The following GRIA4 variants were observed in gnomAD, a reference collection of about 807,000 sequenced individuals.
The protein encoded by GRIA4 is glutamate receptor 4.
In GRIA4, 34 loss-of-function variants were observed where a neutral mutation model predicts 104.0. The ratio of observed to expected loss-of-function variants is 0.33; its 90% confidence interval spans 0.25 to 0.44. The LOEUF (loss-of-function observed/expected upper bound fraction) is 0.44. Among genes scored for constraint, GRIA4 ranks in the 20% least tolerant of loss-of-function variants. GRIA4 has a pLI of 1.00. For synonymous variants in GRIA4, 386 were observed against 381.9 expected (o/e 1.01, Z -0.13); for missense variants, 750 against 1,096.5 (o/e 0.68, Z 4.46).
At chr11:105,739,356 A>G (rs992042221) in intron 3 of GRIA4, among the ~76,000 whole-genome samples, 3 of 152,204 alleles carry the variant, frequency 2.0e-5, no homozygotes, top group African/African-American at 4.8e-5. Context: ...TCATAAAACT[A>G]AAGAGAAGCA....
At chr11:105,805,775 C>T (rs1482568322) in intron 4 of GRIA4, among the ~76,000 whole-genome samples, 1 of 151,846 alleles carries the variant, frequency 6.6e-6, no homozygotes, top group African/African-American at 2.4e-5. Context: ...TTTTAAAAGC[C>T]TTCTCGACAC....
intron 4 of GRIA4, among the ~76,000 whole-genome samples, chr11:105,767,564 C>T (rs1941007038): frequency 6.6e-6 from 1 of 151,874 alleles, no homozygotes; most frequent in Non-Finnish European, 1.5e-5. Context: ...AAACTATGAG[C>T]AGGGAAAAGG....
At chr11:105,647,491 A>ATC (rs1951561786) in intron 3 of GRIA4, among the ~76,000 whole-genome samples, 2 of 152,162 alleles carry the variant, frequency 1.3e-5, no homozygotes, top group Admixed American at 1.3e-4. Flanking sequence ...ACACATGCAC[A>ATC]TCTATGTTTA....
chr11:105,641,996 G>A (rs1169595273), intron 3 of GRIA4, among the ~76,000 whole-genome samples: 1 of 152,132 alleles, frequency 6.6e-6, no homozygotes. Context: ...GCTTGTAGAT[G>A]CCATTATCTC....
chr11:105,634,498 AAAGAAAGAAAGAAAG>A (rs1454283363), intron 3 of GRIA4, among the ~76,000 whole-genome samples: 48 of 71,430 alleles, frequency 6.7e-4, no homozygotes, highest in African/African-American at 2.1e-3. Flanking sequence ...AGAAAGAAAG[AAAGAAAGAAAGAAAG>A]AAGAAAGAAA....
intron 4 of GRIA4, among the ~76,000 whole-genome samples, chr11:105,817,810 T>C: frequency 6.6e-6 from 1 of 152,100 alleles, no homozygotes; most frequent in South Asian, 2.1e-4. Flanking sequence ...TGAAGATCAG[T>C]GTACGTGCAG....
At chr11:105,715,378 C>T (rs1565486224) in intron 3 of GRIA4, among the ~76,000 whole-genome samples, 1 of 152,130 alleles carries the variant, frequency 6.6e-6, no homozygotes, top group Admixed American at 6.6e-5. Context: ...CAACCAGGAC[C>T]TGTTATGCTT....
intron 3 of GRIA4, among the ~76,000 whole-genome samples, chr11:105,668,987 G>T (rs1952272960): frequency 6.6e-6 from 1 of 151,860 alleles, no homozygotes; most frequent in South Asian, 2.1e-4. Flanking sequence ...ACATCACAAT[G>T]TTCAAAAACC....
intron 3 of GRIA4, among the ~76,000 whole-genome samples, chr11:105,625,983 T>C (rs1371335132): frequency 6.6e-6 from 1 of 152,184 alleles, no homozygotes; most frequent in Non-Finnish European, 1.5e-5. Flanking sequence ...GACTCTTTAC[T>C]ATATTATTAT....
chr11:105,913,547 T>A, intron 10 of GRIA4: 1 of 821,682 alleles, frequency 1.2e-6, no homozygotes, highest in African/African-American at 1.8e-5. Flanking sequence ...TAATCATTTC[T>A]GCAAATAACC....
chr11:105,956,862 T>A (rs898565854), intron 14 of GRIA4, among the ~76,000 whole-genome samples: 1 of 152,270 alleles, frequency 6.6e-6, no homozygotes, highest in Non-Finnish European at 1.5e-5. Context: ...TGGCCAGTGA[T>A]GATGAGCATT....
At chr11:105,843,965 T>A (rs1944483634) in intron 4 of GRIA4, among the ~76,000 whole-genome samples, 1 of 152,206 alleles carries the variant, frequency 6.6e-6, no homozygotes, top group Non-Finnish European at 1.5e-5. Flanking sequence ...AACTGCTTGA[T>A]GGCAGTGTCT....
chr11:105,621,812 A>G (rs1950753598), intron 3 of GRIA4, among the ~76,000 whole-genome samples: 1 of 151,890 alleles, frequency 6.6e-6, no homozygotes, highest in South Asian at 2.1e-4. Flanking sequence ...AATTTACAAC[A>G]ACCAGCATGT....
At chr11:105,655,997 G>A (rs1951832198) in intron 3 of GRIA4, among the ~76,000 whole-genome samples, 1 of 152,086 alleles carries the variant, frequency 6.6e-6, no homozygotes, top group South Asian at 2.1e-4. Context: ...AGCATCTGTT[G>A]TTTCCTGACT....
rs149278651 is a variant in GRIA4, at chr11:105,866,443, TTG to T, written c.672+4252_672+4253del. On this transcript the variant is annotated intron_variant, in intron 5 of 16. Transcript: ENST00000282499. Reference sequence around the variant, plus strand: ...TCCCCACTGTGTTGTGTGTGTGTGTTTGTGTGTGTGTGTGTGTGACACTGCAT... The same window carrying T: ...TCCCCACTGTGTTGTGTGTGTGTGTTTGTGTGTGTGTGTGTGACACTGCAT... Among the ~76,000 whole-genome samples, 426 of 146,634 alleles carry T rather than the reference TTG, an allele frequency of 2.9e-3. 1 individual carries two copies. The highest frequency in any genetic ancestry group is 8.7e-3 in the African/African-American group (351 of 40,194).
rs1950471098 is a variant in GRIA4 at position 105,611,230 on chromosome 11, T to G, written c.88+145T>G. 7 of 678,434 alleles carry G rather than the reference T, an allele frequency of 1.0e-5. No individual in the cohort carries two copies. The East Asian group carries it at 1.9e-4, about 19-fold the overall frequency. The allele number at this position is 678,434 out of a possible 1,614,324, so 42.0% of individuals were successfully genotyped here. On this transcript the variant is annotated intron_variant, in intron 2 of 16. Coordinates refer to ENST00000282499, the MANE Select transcript of GRIA4 (RefSeq NM_000829.4). ...TTCCCTCCTCTTCCTTTCTCTCCTT[T>G]GCAAAAAGACTTCCTCTTTAGTGCA...
intron 4 of GRIA4, among the ~76,000 whole-genome samples, chr11:105,822,121 C>A (rs779477591): frequency 6.6e-6 from 1 of 152,138 alleles, no homozygotes; most frequent in Non-Finnish European, 1.5e-5. Flanking sequence ...GTTATTTAAA[C>A]TCCTGTAGCA....
At chr11:105,797,828 C>T in intron 4 of GRIA4, 1 of 455,662 alleles carries the variant, frequency 2.2e-6, no homozygotes, top group Non-Finnish European at 4.4e-6. Flanking sequence ...AACTCCATAA[C>T]TGCTTGCCTT....
rs143817191 is a variant in GRIA4 at position 105,860,308 on chromosome 11, A to G, written c.488-1716A>G. Among the ~76,000 whole-genome samples, 450 of 152,316 alleles carry G rather than the reference A, an allele frequency of 3.0e-3. 4 individuals carry two copies. Among genetic ancestry groups the G allele is most frequent in the African/African-American group, 0.01 (421 of 41,572 alleles). Reference sequence around the variant, plus strand: ...TGGAACTCTGACATGTAGAAAACATACCTGAAAAAATTCAAAATCTCTGAA... The same window carrying G: ...TGGAACTCTGACATGTAGAAAACATGCCTGAAAAAATTCAAAATCTCTGAA... On this transcript the variant is annotated intron_variant, in intron 4 of 16. Coordinates refer to ENST00000282499, the MANE Select transcript of GRIA4 (RefSeq NM_000829.4).
Sources: allele counts gnomAD v4.1 joint callset (sites outside exome capture counted in the v4.1 genomes callset), GRCh38; gene constraint gnomAD v4.1.1; transcripts MANE v1.5; gene names NCBI Gene and HGNC (gene_info 2026-07-23, HGNC 2026-07-21).